The following PALS1 variants were observed in gnomAD, a reference collection of about 807,000 sequenced individuals.
PALS1 encodes protein associated with LIN7 1, MAGUK p55 family member.
PALS1 carries 31 observed loss-of-function variants against 78.9 expected under a neutral mutation model. That is an observed-to-expected ratio of 0.39 (90% CI 0.30 to 0.53). The LOEUF (loss-of-function observed/expected upper bound fraction) is 0.53, where lower values mean the gene tolerates loss of function less well. PALS1 is among the 20% of genes least tolerant of loss of function. The pLI, the probability that PALS1 is intolerant of heterozygous loss-of-function variation, is 0.67. For synonymous variants in PALS1, 276 were observed against 270.9 expected, an observed-to-expected ratio of 1.02 and a Z score of -0.18; for missense variants, 704 against 826.5, an observed-to-expected ratio of 0.85 and a Z score of 1.82.
chr14:67,248,023 C>T (rs1595558133), intron 1 of PALS1, among the ~76,000 whole-genome samples: 1 of 152,206 alleles, frequency 6.6e-6, no homozygotes, highest in Non-Finnish European at 1.5e-5. Flanking sequence ...TTTTTTAAAT[C>T]ATGAATAGAT....
intron 9 of PALS1, among the ~76,000 whole-genome samples, chr14:67,315,426 A>G (rs1289497773): frequency 1.3e-5 from 2 of 151,710 alleles, no homozygotes; most frequent in African/African-American, 4.8e-5. Context: ...ACAGGTGCCC[A>G]CCACCACGCC....
intron 14 of PALS1, among the ~76,000 whole-genome samples, chr14:67,330,536 GC>G (rs1358383044): frequency 7.0e-6 from 1 of 143,340 alleles, no homozygotes. Context: ...TCTGCTCACT[GC>G]AACCTCTGCC....
At chr14:67,328,886 T>G (rs888600159) in intron 14 of PALS1, among the ~76,000 whole-genome samples, 1 of 152,204 alleles carries the variant, frequency 6.6e-6, no homozygotes, top group African/African-American at 2.4e-5. Context: ...TGTAGCCTTG[T>G]AGTATAGTTT....
At chr14:67,255,548 A>T (rs558818183) in intron 1 of PALS1, among the ~76,000 whole-genome samples, 1 of 152,232 alleles carries the variant, frequency 6.6e-6, no homozygotes, top group African/African-American at 2.4e-5. Context: ...TAATGATTGC[A>T]TAAGTGATTT....
intron 3 of PALS1, among the ~76,000 whole-genome samples, chr14:67,282,351 T>G (rs1425983184): frequency 6.6e-6 from 1 of 152,158 alleles, no homozygotes. Context: ...AACAGCAACC[T>G]TATTTTAAAT....
chr14:67,289,994 G>A (rs1359119492), intron 3 of PALS1, among the ~76,000 whole-genome samples: 2 of 151,854 alleles, frequency 1.3e-5, no homozygotes, highest in East Asian at 1.9e-4. Context: ...GGATGGTCTC[G>A]ATCTCCTGAC....
chr14:67,308,004 C>T (rs959040545), intron 8 of PALS1, among the ~76,000 whole-genome samples: 1 of 152,048 alleles, frequency 6.6e-6, no homozygotes, highest in African/African-American at 2.4e-5. Context: ...ACCACATGTT[C>T]TCTTACATGT....
rs897038664 is a variant in PALS1 at position 67,333,476 on chromosome 14, T to C, written c.*520T>C. ...GAGATACTTTCCTAAAAAGGAAAAA[T>C]AAAAAACAAAATGGTGCCACTTTGG... On this transcript the variant is annotated 3_prime_UTR_variant, in exon 15 of 15. Coordinates refer to ENST00000261681, the MANE Select transcript of PALS1 (RefSeq NM_022474.4). 5.2e-5 allele frequency: 8 copies of C among 152,560 alleles called. No individual in the cohort carries two copies. Among genetic ancestry groups the C allele is most frequent in the African/African-American group, 1.9e-4 (8 of 41,430 alleles). 9.5% of individuals were successfully genotyped at this position (152,560 alleles called of 1,614,324 possible).
At chr14:67,306,384 G>A (rs773755365) in intron 8 of PALS1, among the ~76,000 whole-genome samples, 5 of 151,376 alleles carry the variant, frequency 3.3e-5, no homozygotes, top group East Asian at 1.9e-4. Context: ...TTGCTCTGTC[G>A]CCCAGGCTGG....
intron 9 of PALS1, among the ~76,000 whole-genome samples, chr14:67,315,798 C>T (rs2085163446): frequency 6.6e-6 from 1 of 152,098 alleles, no homozygotes; most frequent in Non-Finnish European, 1.5e-5. Context: ...GGTGGCGGGC[C>T]CCTGTAATCC....
At chr14:67,308,358 C>T (rs1363910307) in intron 8 of PALS1, among the ~76,000 whole-genome samples, 2 of 148,040 alleles carry the variant, frequency 1.4e-5, no homozygotes, top group African/African-American at 2.5e-5. Context: ...TTGAGGGCGT[C>T]ACCAATGTGA....
chr14:67,245,048 A>G (rs1260319092), intron 1 of PALS1, among the ~76,000 whole-genome samples: 2 of 152,334 alleles, frequency 1.3e-5, no homozygotes, highest in East Asian at 3.9e-4. Flanking sequence ...ACTAAGGAAT[A>G]TGAGTGGTGT....
chr14:67,265,278 C>T (rs1263476576), intron 1 of PALS1, among the ~76,000 whole-genome samples: 2 of 152,142 alleles, frequency 1.3e-5, no homozygotes, highest in Admixed American at 6.5e-5. Flanking sequence ...AACCCAGAGC[C>T]TGGGCATGGT....
chr14:67,266,904 G>A (rs911211718), intron 1 of PALS1, among the ~76,000 whole-genome samples: 1 of 151,980 alleles, frequency 6.6e-6, no homozygotes, highest in African/African-American at 2.4e-5. Flanking sequence ...GAGCCTAGGA[G>A]TTCGACACCA....
chr14:67,317,339 C>G, intron 10 of PALS1, 69 bp from the exon 11 acceptor site: 2 of 1,296,448 alleles, frequency 1.5e-6, no homozygotes, highest in Non-Finnish European at 2.2e-6. Flanking sequence ...AAATAGAGTT[C>G]TTCAATTTGA....
chr14:67,259,332 TG>T (rs1177807363), intron 1 of PALS1, among the ~76,000 whole-genome samples: 2 of 151,466 alleles, frequency 1.3e-5, no homozygotes, highest in Non-Finnish European at 2.9e-5. Flanking sequence ...AAGGCCAGGC[TG>T]GGGGCGGTGG....
intron 1 of PALS1, among the ~76,000 whole-genome samples, chr14:67,244,597 T>C (rs1381821444): frequency 6.6e-6 from 1 of 152,214 alleles, no homozygotes; most frequent in African/African-American, 2.4e-5. Context: ...CACCTATCCA[T>C]TCACCAGTTG....
chr14:67,241,487 C>A lies in PALS1; in HGVS notation c.-283C>A. ...CCGGAGGGCTGTCGCTTCTGCAGTG[C>A]GTAGGAGCGGCCGGGGCGGGAGGCT... On this transcript the variant is annotated 5_prime_UTR_variant, in exon 1 of 15. Coordinates refer to ENST00000261681, the MANE Select transcript of PALS1 (RefSeq NM_022474.4). 1 of 153,566 alleles carries A rather than the reference C, an allele frequency of 6.5e-6. No individual in the cohort carries two copies. Among genetic ancestry groups the A allele is most frequent in the South Asian group, 2.1e-4 (1 of 4,878 alleles). The allele number at this position is 153,566 out of a possible 1,614,324, so 9.5% of individuals were successfully genotyped here.
At chr14:67,291,283 C>T (rs2084768869) in intron 3 of PALS1, among the ~76,000 whole-genome samples, 1 of 151,090 alleles carries the variant, frequency 6.6e-6, no homozygotes, top group African/African-American at 2.4e-5. Flanking sequence ...GGCTAGAATG[C>T]AATGGTGTGA....
Sources: gnomAD v4.1 joint callset for allele counts (sites outside exome capture counted in the v4.1 genomes callset) on GRCh38, gnomAD v4.1.1 for gene constraint, MANE v1.5 for transcripts, NCBI Gene and HGNC (gene_info 2026-07-23, HGNC 2026-07-21) for gene names.